PPP2R2B: variants seen among roughly 807,000 people sequenced by gnomAD.
PPP2R2B encodes the protein protein phosphatase 2 regulatory subunit Bbeta.
In PPP2R2B, 5 loss-of-function variants were observed where a neutral mutation model predicts 46.0. The ratio of observed to expected loss-of-function variants is 0.11; its 90% CI spans 0.06 to 0.23. The LOEUF is 0.23. Among genes scored for constraint, PPP2R2B ranks in the 10% least tolerant of loss-of-function variants. PPP2R2B has a pLI of 1.00. For missense variants in PPP2R2B, 367 were observed against 575.0 expected (o/e 0.64, Z 3.70); for synonymous variants, 215 against 206.7 (o/e 1.04, Z -0.34).
At chr5:147,003,772 T>C (rs1666630005) in intron 1 of PPP2R2B, among the ~76,000 whole-genome samples, 2 of 152,092 alleles carry the variant, frequency 1.3e-5, no homozygotes, top group Admixed American at 1.3e-4. Context: ...AAAAAGCCCA[T>C]GAATTATTCA....
chr5:147,029,364 A>G (rs954743137), intron 1 of PPP2R2B, among the ~76,000 whole-genome samples: 1 of 152,182 alleles, frequency 6.6e-6, no homozygotes, highest in African/African-American at 2.4e-5. Context: ...AATAATTTCA[A>G]ATTTTCTCCA....
intron 2 of PPP2R2B, among the ~76,000 whole-genome samples, chr5:146,839,261 C>T (rs1051662341): frequency 2.0e-5 from 3 of 152,182 alleles, no homozygotes; most frequent in Admixed American, 2.0e-4. Context: ...TGGCTCCTAC[C>T]TGTAACCCCA....
chr5:146,813,976 A>T (rs1190329503), intron 2 of PPP2R2B, among the ~76,000 whole-genome samples: 2 of 152,156 alleles, frequency 1.3e-5, no homozygotes, highest in Non-Finnish European at 2.9e-5. Context: ...GCAGGAGAAA[A>T]GGGAAGTAAA....
At chr5:146,697,884 C>G in intron 4 of PPP2R2B, 95 bp downstream of exon 4, 1 of 1,262,712 alleles carries the variant, frequency 7.9e-7, no homozygotes, top group Non-Finnish European at 1.1e-6. Context: ...TTTCAACAGC[C>G]CACACAGTTC....
chr5:146,815,802 T>C (rs1328272446), intron 2 of PPP2R2B, among the ~76,000 whole-genome samples: 1 of 152,236 alleles, frequency 6.6e-6, no homozygotes, highest in Admixed American at 6.5e-5. Flanking sequence ...AGAACATCCC[T>C]AAGGATAGGG....
rs1227085121 is a variant in PPP2R2B at position 146,670,309 on chromosome 5, A to T, written c.448-19585T>A. On this transcript the variant is annotated intron_variant, in intron 5 of 9. Coordinates refer to ENST00000394411, the MANE Select transcript of PPP2R2B (RefSeq NM_181675.4). ...CACCTGAGAGTTCTTAAAGAGCAAT[A>T]GAAAATACAGACTTCGAGATGAACT... Among the ~76,000 whole-genome samples, 6 of 152,312 alleles carry T rather than the reference A, an allele frequency of 3.9e-5. No homozygotes were observed. The East Asian group carries it at 1.2e-3, about 29-fold the overall frequency.
intron 2 of PPP2R2B, among the ~76,000 whole-genome samples, chr5:147,078,766 C>A (rs1016638923): frequency 4.6e-5 from 7 of 150,548 alleles, no homozygotes; most frequent in African/African-American, 1.7e-4. Flanking sequence ...CGAGATCATG[C>A]CACTGCACTC....
chr5:146,707,871 CT>C (rs1167182853), intron 2 of PPP2R2B, among the ~76,000 whole-genome samples: 1 of 152,124 alleles, frequency 6.6e-6, no homozygotes, highest in South Asian at 2.1e-4. Context: ...CAAAATTGTA[CT>C]TTTTGGTGTA....
chr5:146,840,809 A>T (rs1032516085), intron 2 of PPP2R2B, among the ~76,000 whole-genome samples: 1 of 152,222 alleles, frequency 6.6e-6, no homozygotes, highest in African/African-American at 2.4e-5. Flanking sequence ...ATTCTAAAAC[A>T]ATCTATTCAT....
intron 1 of PPP2R2B, among the ~76,000 whole-genome samples, chr5:146,987,944 G>C (rs1253328210): frequency 6.6e-6 from 1 of 151,758 alleles, no homozygotes; most frequent in Non-Finnish European, 1.5e-5. Context: ...CCAAGCAAGT[G>C]GAAACCAAAG....
At chr5:147,077,528 G>T (rs1757825888) in intron 2 of PPP2R2B, among the ~76,000 whole-genome samples, 1 of 152,108 alleles carries the variant, frequency 6.6e-6, no homozygotes, top group African/African-American at 2.4e-5. Context: ...TAGAAAATTA[G>T]GGTAGATTAT....
chr5:146,759,789 A>C (rs576379632), intron 2 of PPP2R2B, among the ~76,000 whole-genome samples: 1 of 151,836 alleles, frequency 6.6e-6, no homozygotes, highest in East Asian at 1.9e-4. Flanking sequence ...CGGAGGGTAT[A>C]AGAACAGGAA....
At chr5:146,786,633 C>A (rs1239809484) in intron 2 of PPP2R2B, among the ~76,000 whole-genome samples, 1 of 152,164 alleles carries the variant, frequency 6.6e-6, no homozygotes, top group Non-Finnish European at 1.5e-5. Context: ...TGTGTATAAA[C>A]CCTTTTAGTC....
At chr5:147,036,887 A>C (rs1756064625) in intron 1 of PPP2R2B, among the ~76,000 whole-genome samples, 1 of 152,324 alleles carries the variant, frequency 6.6e-6, no homozygotes, top group South Asian at 2.1e-4. Flanking sequence ...ATGGAGAGGA[A>C]GTATGAAAAA....
chr5:146,873,639 G>T (rs931638615), intron 2 of PPP2R2B, among the ~76,000 whole-genome samples: 48 of 152,044 alleles, frequency 3.2e-4, no homozygotes, highest in Admixed American at 3.1e-3. Flanking sequence ...TTGAGATGGA[G>T]TCTCGCTCTG....
Position 147,081,117 on chromosome 5 carries a change from C to A in PPP2R2B, c.-9G>T. ...CTTGGCTGAAGCACCATAGTGTGTCCTGGGTGAGTGTCCCAATTCCTGAAA... is the reference window on the plus strand; with the variant it reads ...CTTGGCTGAAGCACCATAGTGTGTCATGGGTGAGTGTCCCAATTCCTGAAA... On this transcript the variant is annotated 5_prime_UTR_variant, in exon 2 of 11. Coordinates refer to the PPP2R2B transcript ENST00000394413. 4 of 1,535,632 alleles carry A rather than the reference C, an allele frequency of 2.6e-6. No homozygotes were observed. The South Asian group carries it at 3.6e-5, about 14-fold the overall frequency.
chr5:146,917,128 C>T (rs1203590177), intron 1 of PPP2R2B, among the ~76,000 whole-genome samples: 1 of 152,144 alleles, frequency 6.6e-6, no homozygotes, highest in Non-Finnish European at 1.5e-5. Flanking sequence ...AAAAGATGAA[C>T]AATCTCTTCC....
At chr5:147,081,004 A>G in intron 2 of PPP2R2B, 1 of 1,473,256 alleles carries the variant, frequency 6.8e-7, no homozygotes, top group East Asian at 2.5e-5. Context: ...TTTAATTTTG[A>G]AATCAGCACA....
chr5:146,658,125 C>T (rs1257858145), intron 5 of PPP2R2B, among the ~76,000 whole-genome samples: 1 of 152,156 alleles, frequency 6.6e-6, no homozygotes, highest in Non-Finnish European at 1.5e-5. Flanking sequence ...TTTGGGAAGG[C>T]TGCTTGACCT....
Sources: gnomAD v4.1 joint callset for allele counts (sites outside exome capture counted in the v4.1 genomes callset) on GRCh38, gnomAD v4.1.1 for gene constraint, MANE v1.5 for transcripts, NCBI Gene and HGNC (gene_info 2026-07-23, HGNC 2026-07-21) for gene names.